The following ZNF92 variants were observed in gnomAD, a reference collection of about 807,000 sequenced individuals.
The protein encoded by ZNF92 is zinc finger protein 92, also known as epididymis luminal protein 203.
In ZNF92, 11 loss-of-function variants were observed where a neutral mutation model predicts 12.4. The ratio of observed to expected loss-of-function variants is 0.89; its 90% CI spans 0.56 to 1.47. The LOEUF (loss-of-function observed/expected upper bound fraction) is 1.47, where lower values mean the gene tolerates loss of function less well. Among genes scored for constraint, ZNF92 ranks in the 40% most tolerant of loss-of-function variants. The probability of loss-of-function intolerance (pLI) is 0.00; values close to 1 mark genes in which losing one functional copy is unlikely to be tolerated. For missense variants in ZNF92, 622 were observed against 681.0 expected, an observed-to-expected ratio of 0.91 and a Z score of 0.96; for synonymous variants, 206 against 228.6, an observed-to-expected ratio of 0.90 and a Z score of 0.89.
chr7:65,383,559 C>T (rs1793481674), intron 1 of ZNF92, among the ~76,000 whole-genome samples: 1 of 152,074 alleles, frequency 6.6e-6, no homozygotes, highest in South Asian at 2.1e-4. Flanking sequence ...GTTACTGTTA[C>T]GTGAGAGGTG....
At chr7:65,380,318 TG>T (rs751755497) in intron 1 of ZNF92, among the ~76,000 whole-genome samples, 2 of 152,088 alleles carry the variant, frequency 1.3e-5, no homozygotes, top group Non-Finnish European at 2.9e-5. Flanking sequence ...TGGAGTGCAG[TG>T]GTGTGATCTT....
rs1793897571 is a variant in ZNF92, at chr7:65,398,332, T to C, written c.227-9T>C. The C allele has an allele frequency of 1.3e-6, 2 of 1,508,818 alleles. No homozygotes were observed. The highest frequency in any genetic ancestry group is 4.6e-5 in the Admixed American group (2 of 43,896). The allele number at this position is 1,508,818 out of a possible 1,614,324, so 93.5% of individuals were successfully genotyped here. A position where few individuals can be genotyped will look rare whatever the true frequency, so the allele number is the denominator to read the frequency against. On this transcript the variant is annotated splice_polypyrimidine_tract_variant and intron_variant, in intron 3 of 3. Coordinates refer to ENST00000328747, the MANE Select transcript of ZNF92 (RefSeq NM_152626.4). Reference sequence around the variant, plus strand: ...AAGTGAAGTAACTTGTTATTTTTATTTTTTTCAGTTATGTGTTCTCATTTT... The same window carrying C: ...AAGTGAAGTAACTTGTTATTTTTATCTTTTTCAGTTATGTGTTCTCATTTT...
intron 1 of ZNF92, among the ~76,000 whole-genome samples, chr7:65,384,715 T>G (rs1178619932): frequency 6.6e-6 from 1 of 152,054 alleles, no homozygotes; most frequent in Non-Finnish European, 1.5e-5. Flanking sequence ...TCTGTCTATA[T>G]GTAGCTTTTA....
At chr7:65,376,659 C>T (rs1793249943) in intron 1 of ZNF92, among the ~76,000 whole-genome samples, 1 of 152,110 alleles carries the variant, frequency 6.6e-6, no homozygotes, top group East Asian at 1.9e-4. Context: ...GTTGGTCAGG[C>T]TGGTCTTGAA....
At chr7:65,394,980 T>C (rs1357106929) in intron 3 of ZNF92, among the ~76,000 whole-genome samples, 1 of 152,142 alleles carries the variant, frequency 6.6e-6, no homozygotes, top group Non-Finnish European at 1.5e-5. Context: ...AGCAAAAATA[T>C]GTTGAAGAAT....
At chr7:65,396,682 G>A (rs1211282291) in intron 3 of ZNF92, among the ~76,000 whole-genome samples, 1 of 151,858 alleles carries the variant, frequency 6.6e-6, no homozygotes, top group Non-Finnish European at 1.5e-5. Flanking sequence ...AGTCATTTTA[G>A]CATTTCTCTT....
Position 65,399,596 on chromosome 7 carries a change from A to C in ZNF92, c.1482A>C (p.Ser494=), listed in dbSNP as rs774634335. Reference sequence around the variant, plus strand: ...GTGGCAAAGCCTTTAACCAGTCCTCAATTTTTACTAAACATAAGATAATTC... The same window carrying C: ...GTGGCAAAGCCTTTAACCAGTCCTCCATTTTTACTAAACATAAGATAATTC... ...EECGKAFNQS[S]IFTKHKIIHT... The change falls in exon 4 of 4, where the codon TCA becomes TCC. Residue 494 remains serine, a synonymous_variant. Coordinates refer to ENST00000328747, the MANE Select transcript of ZNF92 (RefSeq NM_152626.4). The C allele has an allele frequency of 6.2e-7, 1 of 1,613,814 alleles. No homozygotes were observed. The highest frequency in any genetic ancestry group is 8.5e-7 in the Non-Finnish European group (1 of 1,179,826).
rs1359033954 is a variant in ZNF92, at chr7:65,392,013, TTTC to T, written c.226+3115_226+3117del. ...ATTAGTGTTTTTTGTTTAGTGTAGGTTTCTTATCAGTTTTTGTTTCTTGTTTTT... is the reference window on the plus strand; with the variant it reads ...ATTAGTGTTTTTTGTTTAGTGTAGGTTTATCAGTTTTTGTTTCTTGTTTTT... On this transcript the variant is annotated intron_variant, in intron 3 of 3. Transcript: ENST00000328747. Among the ~76,000 whole-genome samples the T allele has an allele frequency of 2.0e-5, 3 of 152,168 alleles. No individual in the cohort carries two copies. In the East Asian group the frequency reaches 5.8e-4, roughly 29 times the overall value.
chr7:65,379,925 T>C (rs1452612646), intron 1 of ZNF92, among the ~76,000 whole-genome samples: 1 of 152,068 alleles, frequency 6.6e-6, no homozygotes, highest in Non-Finnish European at 1.5e-5. Flanking sequence ...ATAGGTAAAA[T>C]TGTGTTGTGG....
chr7:65,382,899 A>G (rs1168693685), intron 1 of ZNF92, among the ~76,000 whole-genome samples: 1 of 152,008 alleles, frequency 6.6e-6, no homozygotes, highest in Non-Finnish European at 1.5e-5. Context: ...CGAGACCACA[A>G]TTGTGTCTTT....
chr7:65,395,456 A>T (rs1305364176), intron 3 of ZNF92, among the ~76,000 whole-genome samples: 1 of 152,064 alleles, frequency 6.6e-6, no homozygotes. Flanking sequence ...AAAGTTTTGT[A>T]CATGTCTGTT....
In ZNF92 at chr7:65,381,902, G is replaced by A. The variant is rs551998412; in HGVS notation, c.4-6000G>A. Reference sequence around the variant, plus strand: ...TGCATTGGTCTCTGAGCCTGTTTTTGTACTGGTATCATGTTGCTGTGGTAG... The same window carrying A: ...TGCATTGGTCTCTGAGCCTGTTTTTATACTGGTATCATGTTGCTGTGGTAG... On this transcript the variant is annotated intron_variant, in intron 1 of 3. Coordinates refer to ENST00000328747, the MANE Select transcript of ZNF92 (RefSeq NM_152626.4). 1.3e-5 allele frequency among the ~76,000 whole-genome samples: 2 copies of A among 152,114 alleles called. 1 individual carries two copies. Among genetic ancestry groups the A allele is most frequent in the South Asian group, 4.2e-4 (2 of 4,812 alleles).
chr7:65,374,725 T>A (rs1039941559), intron 1 of ZNF92, among the ~76,000 whole-genome samples: 1 of 151,624 alleles, frequency 6.6e-6, no homozygotes, highest in African/African-American at 2.4e-5. Context: ...TTGAATTATA[T>A]TTTTTTTAAA....
chr7:65,398,307 A>G, intron 3 of ZNF92, 34 bp from the exon 4 acceptor site: 2 of 1,466,182 alleles, frequency 1.4e-6, no homozygotes, highest in South Asian at 3.0e-5. Flanking sequence ...TGAGTCTAGT[A>G]AGTGAAGTAA....
chr7:65,377,927 G>A (rs1299397896), intron 1 of ZNF92, among the ~76,000 whole-genome samples: 1 of 152,136 alleles, frequency 6.6e-6, no homozygotes, highest in Non-Finnish European at 1.5e-5. Context: ...AATTCCAAAG[G>A]AGTATTGCAA....
In ZNF92 at chr7:65,398,686, A is replaced by C; in HGVS notation, c.572A>C (p.His191Pro). The C allele has an allele frequency of 6.2e-7, 1 of 1,611,378 alleles. No homozygotes were observed. The highest frequency in any genetic ancestry group is 2.2e-5 in the East Asian group (1 of 44,806). ...SFCMLSQLTQ[H>P]KKIHTREYSY... Reference sequence around the variant, plus strand: ...TGCATGCTTTCACAATTAACTCAACATAAGAAAATTCATACTAGAGAGTAT... The same window carrying C: ...TGCATGCTTTCACAATTAACTCAACCTAAGAAAATTCATACTAGAGAGTAT... The change falls in exon 4 of 4, where the codon CAT (histidine) becomes CCT (proline). Residue 191 changes from histidine to proline, a missense_variant. Transcript: ENST00000328747.
chr7:65,379,719 T>C (rs1014490156), intron 1 of ZNF92, among the ~76,000 whole-genome samples: 2 of 152,092 alleles, frequency 1.3e-5, no homozygotes, highest in Non-Finnish European at 2.9e-5. Flanking sequence ...ATCAGCCTGC[T>C]TTCTCCACCA....
At chr7:65,388,559 AC>A (rs1201391120) in intron 2 of ZNF92, among the ~76,000 whole-genome samples, 6 of 151,602 alleles carry the variant, frequency 4.0e-5, no homozygotes, top group Admixed American at 4.0e-4. Context: ...AATCGCTTGA[AC>A]CCGGGAGGCA....
rs149496524 is a variant in ZNF92, at chr7:65,386,344, C to G, written c.4-1558C>G. Reference sequence around the variant, plus strand: ...AAATATTTCTTCCTATATACTGGAGCCTTCTCTACATCATGGCTTCTTATA... The same window carrying G: ...AAATATTTCTTCCTATATACTGGAGGCTTCTCTACATCATGGCTTCTTATA... On this transcript the variant is annotated intron_variant, in intron 1 of 3. Coordinates refer to ENST00000328747, the MANE Select transcript of ZNF92 (RefSeq NM_152626.4). 4.1e-4 allele frequency among the ~76,000 whole-genome samples: 62 copies of G among 152,180 alleles called. 1 individual carries two copies. The highest frequency in any genetic ancestry group is 1.4e-3 in the African/African-American group (58 of 41,518).
Sources: allele counts gnomAD v4.1 joint callset (sites outside exome capture counted in the v4.1 genomes callset), GRCh38; gene constraint gnomAD v4.1.1; transcripts MANE v1.5; gene names NCBI Gene and HGNC (gene_info 2026-07-23, HGNC 2026-07-21).